NBPF9: variants seen among roughly 807,000 people sequenced by gnomAD.
NBPF9 encodes the protein NBPF member 9.
In NBPF9, 91 loss-of-function variants were observed where a neutral mutation model predicts 97.8. That is an observed-to-expected ratio of 0.93 (90% CI 0.79 to 1.11). NBPF9 has a LOEUF of 1.11. Ranked by LOEUF, NBPF9 falls within the 50% of genes least tolerant of loss-of-function variation. The pLI is 0.00. For synonymous variants in NBPF9, 334 were observed against 359.5 expected, an observed-to-expected ratio of 0.93 and a Z score of 0.80; for missense variants, 992 against 939.5, an observed-to-expected ratio of 1.06 and a Z score of -0.73.
In NBPF9 at chr1:149,055,481, G is replaced by T. The variant is rs587648534; in HGVS notation, c.*175C>A. The T allele has an allele frequency of 1.6e-4, 227 of 1,404,922 alleles. 2 individuals carry two copies. The South Asian group carries it at 3.0e-3, about 18-fold the overall frequency. 87.0% of individuals were successfully genotyped at this position (1,404,922 alleles called of 1,614,324 possible). A position where few individuals can be genotyped will look rare whatever the true frequency, so the allele number is the denominator to read the frequency against. ...GTGTCACACCTAACGTGGGTCCATT[G>T]TCTTCAGACTGAGCACAGGTTGCCA... On this transcript the variant is annotated 3_prime_UTR_variant, in exon 30 of 30. Coordinates refer to ENST00000584027, the Ensembl canonical transcript of NBPF9.
At chr1:149,071,001 T>C (rs1383173475) in exon 16 of NBPF9, 4 of 1,612,150 alleles carry the variant, frequency 2.5e-6, no homozygotes, top group South Asian at 1.1e-5. Context: ...TTGAGTCGAC[T>C]TTGTCTTCCT....
intron 3 of NBPF9, among the ~76,000 whole-genome samples, chr1:149,100,896 G>A (rs1426026347): frequency 3.3e-5 from 5 of 151,096 alleles, no homozygotes; most frequent in Admixed American, 1.3e-4. Context: ...ATCCTGCCAC[G>A]GCACTCTAGC....
intron 4 of NBPF9, among the ~76,000 whole-genome samples, chr1:149,095,822 G>A (rs1334002597): frequency 6.6e-6 from 1 of 151,910 alleles, no homozygotes; most frequent in Non-Finnish European, 1.5e-5. Flanking sequence ...TCGAAGATGA[G>A]GAACAACCAG....
At chr1:149,071,523 ATAGATGCCAGAGAGGGTGTGCCTCC>A in intron 15 of NBPF9, 56 bp downstream of exon 15, 1 of 1,061,026 alleles carries the variant, frequency 9.4e-7, no homozygotes, top group Non-Finnish European at 1.4e-6. Context: ...TTGGCCCATC[ATAGATGCCAGAGAGGGTGTGCCTCC>A]TAGATATTCC....
exon 18 of NBPF9, chr1:149,065,612 G>A: frequency 6.2e-7 from 1 of 1,604,802 alleles, no homozygotes. Flanking sequence ...CAACATTTCA[G>A]GAGGAATTGA....
intron 18 of NBPF9, 133 bp from the exon 19 acceptor site, chr1:149,064,615 T>C (rs2078904920): frequency 1.5e-6 from 1 of 652,194 alleles, no homozygotes; most frequent in Non-Finnish European, 2.7e-6. Context: ...GAGAGAAATA[T>C]TCCAGTAGGC....
At chr1:149,068,015 T>G (rs2079141314) in intron 17 of NBPF9, among the ~76,000 whole-genome samples, 1 of 146,210 alleles carries the variant, frequency 6.8e-6, no homozygotes, top group East Asian at 2.5e-4. Flanking sequence ...GAATTTCATA[T>G]CCAGCCAAAC....
chr1:149,077,517 G>A, intron 10 of NBPF9, 98 bp from the exon 11 acceptor site: 6 of 1,550,354 alleles, frequency 3.9e-6, no homozygotes, highest in Non-Finnish European at 5.3e-6. Flanking sequence ...CATTAAGAGA[G>A]TGGTTCCAGA....
Position 149,058,879 on chromosome 1 carries a change from T to C in NBPF9, c.2758+46A>G, listed in dbSNP as rs1464703494. 3.1e-5 allele frequency: 20 copies of C among 654,978 alleles called. 1 individual carries two copies. The highest frequency in any genetic ancestry group is 4.8e-5 in the Non-Finnish European group (17 of 356,952). 40.6% of individuals were successfully genotyped at this position (654,978 alleles called of 1,614,324 possible). On this transcript the variant is annotated intron_variant, in intron 26 of 29. Transcript: ENST00000584027. ...TTGGAACAGGAATATCACCCCTATC[T>C]GGAAGACCAGGTGGAGGCTTATCAC...
chr1:149,077,367 A>G (rs1261699586), exon 11 of NBPF9: 1 of 1,609,914 alleles, frequency 6.2e-7, no homozygotes, highest in African/African-American at 1.3e-5. Context: ...GTGATGGCAC[A>G]TTCCTCCAGT....
At chr1:149,089,698 G>A (rs1367682306) in intron 5 of NBPF9, among the ~76,000 whole-genome samples, 1 of 152,312 alleles carries the variant, frequency 6.6e-6, no homozygotes, top group Non-Finnish European at 1.5e-5. Context: ...TCAGCGTAAA[G>A]CACTCAACCA....
At chr1:149,056,674 T>A in intron 28 of NBPF9, 54 bp from the exon 29 acceptor site, 1 of 50,420 alleles carries the variant, frequency 2.0e-5, no homozygotes, top group South Asian at 1.4e-4. Flanking sequence ...CCTACACACA[T>A]AACAATCCAC....
chr1:149,082,125 G>A (rs781969403), exon 7 of NBPF9: 114 of 1,611,946 alleles, frequency 7.1e-5, no homozygotes, highest in Non-Finnish European at 8.6e-5. Flanking sequence ...ACCAAGGGCC[G>A]GCTGATACCA....
At chr1:149,070,936 G>C (rs782391822) in exon 16 of NBPF9, 136 of 1,612,312 alleles carry the variant, frequency 8.4e-5, no homozygotes, top group Non-Finnish European at 1.0e-4. Context: ...GAGGCTACCT[G>C]GAATAATGTG....
chr1:149,100,655 C>A (rs1254348735), intron 3 of NBPF9, among the ~76,000 whole-genome samples: 1 of 152,148 alleles, frequency 6.6e-6, no homozygotes, highest in African/African-American at 2.4e-5. Flanking sequence ...GAATCACAGC[C>A]GGGTGGGGTG....
At chr1:149,087,622 T>C (rs1331084657) in intron 5 of NBPF9, among the ~76,000 whole-genome samples, 1 of 150,626 alleles carries the variant, frequency 6.6e-6, no homozygotes, top group African/African-American at 2.4e-5. Flanking sequence ...AGCTTGTAAA[T>C]TTCTACCAAA....
chr1:149,072,644 T>C (rs2079508167), intron 14 of NBPF9, 74 bp downstream of exon 14: 2 of 1,523,896 alleles, frequency 1.3e-6, no homozygotes, highest in Non-Finnish European at 1.8e-6. Context: ...ACAACTGTCA[T>C]TGTGAAAGTA....
chr1:149,072,916 C>A (rs781842319), exon 14 of NBPF9: 11 of 1,606,710 alleles, frequency 6.8e-6, no homozygotes, highest in Middle Eastern at 4.5e-4. Flanking sequence ...TGAGCGTGAA[C>A]CAGGACTTTA....
At chr1:149,097,121 G>A (rs1553246013) in intron 4 of NBPF9, among the ~76,000 whole-genome samples, 1 of 150,974 alleles carries the variant, frequency 6.6e-6, no homozygotes. Context: ...TGGAAGGGAA[G>A]GAGGGAGGGA....
Sources: allele counts gnomAD v4.1 joint callset (sites outside exome capture counted in the v4.1 genomes callset), GRCh38; gene constraint gnomAD v4.1.1; transcripts MANE v1.5; gene names NCBI Gene and HGNC (gene_info 2026-07-23, HGNC 2026-07-21).